The following DNAH12 variants were observed in gnomAD, a reference collection of about 807,000 sequenced individuals.
The protein encoded by DNAH12 is dynein axonemal heavy chain 12.
DNAH12 carries 285 observed loss-of-function variants against 371.5 expected under a neutral mutation model. The ratio of observed to expected loss-of-function variants is 0.77; its 90% CI spans 0.70 to 0.85. The LOEUF is 0.85. Ranked by LOEUF, DNAH12 falls within the 40% of genes least tolerant of loss-of-function variation. The pLI, the probability that DNAH12 is intolerant of heterozygous loss-of-function variation, is 0.00. For missense variants in DNAH12, 3,611 were observed against 3,689.4 expected, an observed-to-expected ratio of 0.98 and a Z score of 0.55; for synonymous variants, 1,200 against 1,213.0, an observed-to-expected ratio of 0.99 and a Z score of 0.22.
At chr3:57,355,981 A>T (rs2062788253) in intron 59 of DNAH12, among the ~76,000 whole-genome samples, 1 of 152,222 alleles carries the variant, frequency 6.6e-6, no homozygotes, top group South Asian at 2.1e-4. Flanking sequence ...TTATTATCCC[A>T]ATTTTATAGA....
chr3:57,495,448 C>T (rs62258438), intron 11 of DNAH12, among the ~76,000 whole-genome samples: 30,038 of 150,524 alleles, frequency 0.2, 3,686 homozygotes, highest in African/African-American at 0.28. Flanking sequence ...GTAATCCCAG[C>T]TACTAGGGAG....
At chr3:57,302,569 T>TA (rs2061382399) in intron 69 of DNAH12, among the ~76,000 whole-genome samples, 3 of 54,456 alleles carry the variant, frequency 5.5e-5, no homozygotes, top group African/African-American at 3.9e-4. Flanking sequence ...ATATATGTAT[T>TA]TTTTTTTTTT....
intron 65 of DNAH12, 26 bp from the exon 66 acceptor site, chr3:57,314,657 G>A: frequency 1.3e-6 from 2 of 1,509,328 alleles, no homozygotes; most frequent in Non-Finnish European, 1.8e-6. Flanking sequence ...TACATAACAA[G>A]AAAAAAAATT....
intron 12 of DNAH12, among the ~76,000 whole-genome samples, chr3:57,485,433 G>C (rs1003523185): frequency 1.3e-5 from 2 of 151,004 alleles, no homozygotes; most frequent in Non-Finnish European, 2.9e-5. Context: ...TTCTGAGACA[G>C]AGTCTCACTC....
intron 4 of DNAH12, among the ~76,000 whole-genome samples, chr3:57,514,731 T>A (rs114478935): frequency 0.01 from 1,536 of 152,170 alleles, 29 homozygotes; most frequent in African/African-American, 0.034. Flanking sequence ...AAACTCCAAA[T>A]GAAAACAAAC....
intron 11 of DNAH12, 55 bp from the exon 12 acceptor site, chr3:57,489,742 T>G (rs1290389447): frequency 2.9e-6 from 4 of 1,402,392 alleles, no homozygotes; most frequent in Non-Finnish European, 3.8e-6. Context: ...TCAGTGATTT[T>G]ATAATATTGT....
intron 25 of DNAH12, among the ~76,000 whole-genome samples, chr3:57,448,127 T>C (rs1338267563): frequency 3.3e-5 from 5 of 152,214 alleles, no homozygotes; most frequent in Non-Finnish European, 7.3e-5. Context: ...TGTCTGGAAT[T>C]GGTGGGTGCT....
At chr3:57,381,621 A>G (rs1277652912) in intron 50 of DNAH12, among the ~76,000 whole-genome samples, 2 of 152,130 alleles carry the variant, frequency 1.3e-5, no homozygotes, top group Admixed American at 6.6e-5. Flanking sequence ...GGAATTCCAC[A>G]CATGTTAAAT....
intron 60 of DNAH12, among the ~76,000 whole-genome samples, chr3:57,345,280 C>G (rs2062511689): frequency 1.3e-5 from 2 of 152,072 alleles, no homozygotes; most frequent in Admixed American, 1.3e-4. Context: ...AGTAATGACT[C>G]TTCTCTGTCT....
intron 64 of DNAH12, 115 bp downstream of exon 64, chr3:57,322,892 T>C: frequency 2.8e-6 from 4 of 1,404,352 alleles, no homozygotes; most frequent in Non-Finnish European, 2.8e-6. Context: ...ATTGCGCCAC[T>C]GCACTCCAGC....
rs774942429 is a variant in DNAH12 at position 57,436,950 on chromosome 3, C to A, written c.4655+1G>T. On this transcript the variant is annotated splice_donor_variant, in intron 30 of 73. Coordinates refer to ENST00000495027, the MANE Select transcript of DNAH12 (RefSeq NM_001366028.2). LOFTEE classifies it high-confidence loss of function. Reference sequence around the variant, plus strand: ...CTAACTATAGCAATATATAATCTTACCCATGTCTAACAATCATCATTTCAT... The same window carrying A: ...CTAACTATAGCAATATATAATCTTAACCATGTCTAACAATCATCATTTCAT... 1.4e-6 allele frequency: 2 copies of A among 1,429,358 alleles called. No homozygotes were observed. The highest frequency in any genetic ancestry group is 1.9e-6 in the Non-Finnish European group (2 of 1,073,406). 88.5% of individuals were successfully genotyped at this position (1,429,358 alleles called of 1,614,324 possible). A position where few individuals can be genotyped will look rare whatever the true frequency, so the allele number is the denominator to read the frequency against.
the DNAH12 span, among the ~76,000 whole-genome samples, chr3:57,551,983 G>A: frequency 1.4e-4 from 21 of 147,664 alleles, no homozygotes; most frequent in Non-Finnish European, 3.0e-4. Flanking sequence ...GGTGGTTCAC[G>A]CCTGTAATCC....
upstream of DNAH12, among the ~76,000 whole-genome samples, chr3:57,544,798 A>C (rs1186680837): frequency 6.6e-6 from 1 of 152,202 alleles, no homozygotes; most frequent in Non-Finnish European, 1.5e-5. Flanking sequence ...GTGTGAATTT[A>C]GTGGTATGCT....
chr3:57,454,344 G>T (rs1455918356), intron 23 of DNAH12, among the ~76,000 whole-genome samples: 1 of 152,030 alleles, frequency 6.6e-6, no homozygotes, highest in Non-Finnish European at 1.5e-5. Context: ...GCCGGGTGTG[G>T]TGGCACATGC....
rs2067583852 is a variant in DNAH12 at position 57,502,395 on chromosome 3, A to G, written c.1171T>C (p.Trp391Arg). ...DTELPEHVLHWAVDTLKAAVH... is the reference protein window; with the variant it reads ...DTELPEHVLHRAVDTLKAAVH... Reference sequence around the variant, plus strand: ...GCTGCCTTCAGTGTATCAACAGCCCAGTGTAACACGTGTTCAGGAAGTTCT... The same window carrying G: ...GCTGCCTTCAGTGTATCAACAGCCCGGTGTAACACGTGTTCAGGAAGTTCT... The change falls in exon 10 of 74, where the codon TGG becomes CGG. Residue 391 changes from tryptophan (W) to arginine (R), a missense_variant. Trp to Arg is a moderately radical substitution (Grantham distance 101). Transcript: ENST00000495027. 6.2e-7 allele frequency: 1 copy of G among 1,614,180 alleles called. No individual in the cohort carries two copies.
Position 57,358,992 on chromosome 3 carries a change from CA to C in DNAH12, c.9361-1645del, listed in dbSNP as rs1466180346. Among the ~76,000 whole-genome samples the C allele has an allele frequency of 1.3e-5, 2 of 151,964 alleles. 1 individual carries two copies. The highest frequency in any genetic ancestry group is 2.9e-5 in the Non-Finnish European group (2 of 68,008). The stretch of plus-strand genomic sequence containing the variant: ...AGAGATGGGGTTTCACCATGTTGGT[CA>C]GGCTAGTCTCGAACGCTTGACCTCA... On this transcript the variant is annotated intron_variant, in intron 58 of 73. Coordinates refer to ENST00000495027, the MANE Select transcript of DNAH12 (RefSeq NM_001366028.2).
intron 60 of DNAH12, among the ~76,000 whole-genome samples, chr3:57,341,379 A>C (rs189329992): frequency 9.2e-5 from 14 of 152,284 alleles, no homozygotes; most frequent in African/African-American, 3.4e-4. Flanking sequence ...AAACTCTTAA[A>C]ACTAATAAAT....
intron 4 of DNAH12, among the ~76,000 whole-genome samples, chr3:57,516,051 G>GTATT (rs1400729891): frequency 1.3e-4 from 8 of 60,216 alleles, no homozygotes; most frequent in African/African-American, 4.7e-4. Context: ...GTACTGCTTA[G>GTATT]TCTTTTTTTT....
intron 34 of DNAH12, among the ~76,000 whole-genome samples, chr3:57,426,174 T>A (rs559668421): frequency 6.6e-6 from 1 of 152,208 alleles, no homozygotes; most frequent in Non-Finnish European, 1.5e-5. Context: ...ATTAAGGGGA[T>A]TCTGTAGGAT....
Sources: gnomAD v4.1 joint callset for allele counts (sites outside exome capture counted in the v4.1 genomes callset) on GRCh38, gnomAD v4.1.1 for gene constraint, MANE v1.5 for transcripts, NCBI Gene and HGNC (gene_info 2026-07-23, HGNC 2026-07-21) for gene names.